The following TAOK3 variants were observed in gnomAD, a reference collection of about 807,000 sequenced individuals.
TAOK3 encodes the protein serine/threonine-protein kinase TAO3.
TAOK3 carries 40 observed loss-of-function variants against 120.4 expected under a neutral mutation model. That is an observed-to-expected ratio of 0.33 (90% CI 0.26 to 0.43). TAOK3 has a LOEUF of 0.43. Among genes scored for constraint, TAOK3 ranks in the 20% least tolerant of loss-of-function variants. The pLI is 1.00. For missense variants in TAOK3, 821 were observed against 1,112.1 expected (o/e 0.74, Z 3.72); for synonymous variants, 355 against 387.5 (o/e 0.92, Z 0.99).
chr12:118,199,414 C>T (rs1415620677), intron 12 of TAOK3, 157 bp from the exon 13 acceptor site: 6 of 634,460 alleles, frequency 9.5e-6, no homozygotes, highest in African/African-American at 5.4e-5. Flanking sequence ...ACTACTCCTC[C>T]ACCATTTTCA....
At chr12:118,344,186 T>C (rs1442892626) in intron 1 of TAOK3, among the ~76,000 whole-genome samples, 1 of 149,400 alleles carries the variant, frequency 6.7e-6, no homozygotes, top group East Asian at 1.9e-4. Context: ...CCCTAATGTA[T>C]TGAGTCCTTT....
intron 5 of TAOK3, among the ~76,000 whole-genome samples, chr12:118,240,262 C>T (rs2040191255): frequency 6.6e-6 from 1 of 151,494 alleles, no homozygotes; most frequent in Admixed American, 6.6e-5. Context: ...TCACTGCAAC[C>T]TCTACCTCCT....
At chr12:118,244,263 A>G (rs2040378799) in intron 4 of TAOK3, among the ~76,000 whole-genome samples, 1 of 151,108 alleles carries the variant, frequency 6.6e-6, no homozygotes, top group Non-Finnish European at 1.5e-5. Flanking sequence ...GGGTCTCACC[A>G]TATTGCCCAG....
rs191083691 is a variant in TAOK3 at position 118,319,138 on chromosome 12, G to A, written c.-193-52379C>T. On this transcript the variant is annotated intron_variant, in intron 1 of 20. Coordinates refer to ENST00000392533, the MANE Select transcript of TAOK3 (RefSeq NM_016281.4). The stretch of plus-strand genomic sequence containing the variant: ...TCAGCTGAAATCTGGTGATGGATAT[G>A]TTATCTAGCTTGATGTATTCATTCT... Among the ~76,000 whole-genome samples, 4 of 152,290 alleles carry A rather than the reference G, an allele frequency of 2.6e-5. No individual in the cohort carries two copies. In the East Asian group the frequency reaches 7.7e-4, roughly 29 times the overall value.
intron 11 of TAOK3, among the ~76,000 whole-genome samples, chr12:118,202,653 T>C (rs1363008120): frequency 6.6e-6 from 1 of 152,172 alleles, no homozygotes. Flanking sequence ...ATTCTTGAGG[T>C]TTACTTTATC....
chr12:118,183,667 C>T (rs2036904258), intron 14 of TAOK3, among the ~76,000 whole-genome samples: 1 of 152,090 alleles, frequency 6.6e-6, no homozygotes, highest in Admixed American at 6.5e-5. Context: ...AGAAACAATT[C>T]TAATCAATGG....
intron 20 of TAOK3, 120 bp downstream of exon 20, chr12:118,152,107 G>A (rs2034488342): frequency 1.1e-6 from 1 of 920,142 alleles, no homozygotes; most frequent in Non-Finnish European, 1.6e-6. Flanking sequence ...GTAGCATAAA[G>A]CAGATAAGTG....
chr12:118,255,370 G>A, intron 3 of TAOK3, 78 bp downstream of exon 3: 1 of 1,516,010 alleles, frequency 6.6e-7, no homozygotes, highest in Non-Finnish European at 9.0e-7. Flanking sequence ...TAGGATTACA[G>A]GCGTGAGTCA....
At chr12:118,211,105 A>G (rs2038608697) in intron 11 of TAOK3, among the ~76,000 whole-genome samples, 1 of 152,162 alleles carries the variant, frequency 6.6e-6, no homozygotes, top group Non-Finnish European at 1.5e-5. Context: ...ATTGTGTACT[A>G]CTGTATTCTC....
intron 1 of TAOK3, among the ~76,000 whole-genome samples, chr12:118,314,602 C>T (rs554740235): frequency 6.6e-6 from 1 of 152,280 alleles, no homozygotes; most frequent in South Asian, 2.1e-4. Flanking sequence ...ACTAAAACCA[C>T]AGAACATCCA....
chr12:118,267,093 T>C (rs777390255), intron 1 of TAOK3, among the ~76,000 whole-genome samples: 6 of 152,250 alleles, frequency 3.9e-5, no homozygotes, highest in East Asian at 1.9e-4. Context: ...TGATTCTCTG[T>C]TGTTAAGGCT....
intron 1 of TAOK3, among the ~76,000 whole-genome samples, chr12:118,343,202 C>T (rs1307145880): frequency 6.6e-6 from 1 of 151,466 alleles, no homozygotes; most frequent in African/African-American, 2.4e-5. Flanking sequence ...CTGAGATGGG[C>T]AGATCACCAG....
intron 9 of TAOK3, among the ~76,000 whole-genome samples, chr12:118,218,554 T>C (rs1352451537): frequency 6.6e-6 from 1 of 152,242 alleles, no homozygotes; most frequent in Admixed American, 6.5e-5. Context: ...TATACCGCAT[T>C]GTTTAGAAAA....
intron 1 of TAOK3, among the ~76,000 whole-genome samples, chr12:118,366,172 G>A (rs1452487736): frequency 6.6e-6 from 1 of 152,150 alleles, no homozygotes; most frequent in African/African-American, 2.4e-5. Context: ...GCTGAGGCAG[G>A]AGAATCACTT....
intron 3 of TAOK3, among the ~76,000 whole-genome samples, chr12:118,250,744 T>A (rs1208113520): frequency 2.0e-5 from 3 of 152,144 alleles, no homozygotes; most frequent in African/African-American, 7.2e-5. Context: ...AATGTAAAAC[T>A]GCAATTCTGA....
intron 1 of TAOK3, among the ~76,000 whole-genome samples, chr12:118,363,496 A>G (rs1276487598): frequency 6.6e-6 from 1 of 152,202 alleles, no homozygotes; most frequent in Non-Finnish European, 1.5e-5. Flanking sequence ...CTACAATGTA[A>G]TATTAGAGAG....
chr12:118,329,559 T>C (rs1478022173), intron 1 of TAOK3, among the ~76,000 whole-genome samples: 2 of 152,222 alleles, frequency 1.3e-5, no homozygotes, highest in Non-Finnish European at 2.9e-5. Context: ...TCAAGAGTTA[T>C]CTTCCATATG....
intron 16 of TAOK3, among the ~76,000 whole-genome samples, chr12:118,176,111 C>T (rs1565898469): frequency 6.6e-6 from 1 of 152,148 alleles, no homozygotes; most frequent in East Asian, 1.9e-4. Context: ...AAAAGGCTTC[C>T]TTAGGAAAGT....
chr12:118,334,942 G>T (rs2044302736), intron 1 of TAOK3, among the ~76,000 whole-genome samples: 2 of 151,410 alleles, frequency 1.3e-5, no homozygotes, highest in Admixed American at 6.6e-5. Context: ...ACTTTGGGAG[G>T]CTGAGATGGG....
Sources: gnomAD v4.1 joint callset for allele counts (sites outside exome capture counted in the v4.1 genomes callset) on GRCh38, gnomAD v4.1.1 for gene constraint, MANE v1.5 for transcripts, NCBI Gene and HGNC (gene_info 2026-07-23, HGNC 2026-07-21) for gene names.